The following KLHL20 variants were observed in gnomAD, a reference collection of about 807,000 sequenced individuals.
KLHL20 encodes kelch-like protein 20.
KLHL20 carries 29 observed loss-of-function variants against 69.5 expected under a neutral mutation model. The ratio of observed to expected loss-of-function variants is 0.42; its 90% CI spans 0.31 to 0.57. KLHL20 has a LOEUF of 0.57. KLHL20 is among the 20% of genes least tolerant of loss of function. The probability of loss-of-function intolerance (pLI) is 0.18; values close to 1 mark genes in which losing one functional copy is unlikely to be tolerated. For missense variants in KLHL20, 419 were observed against 776.0 expected, an observed-to-expected ratio of 0.54 and a Z score of 5.47; for synonymous variants, 253 against 265.2, an observed-to-expected ratio of 0.95 and a Z score of 0.45.
chr1:173,717,850 G>A (rs1671536051), intron 2 of KLHL20, among the ~76,000 whole-genome samples: 1 of 152,136 alleles, frequency 6.6e-6, no homozygotes, highest in Non-Finnish European at 1.5e-5. Flanking sequence ...TGATTATAAA[G>A]TTTTATGAAA....
chr1:173,732,474 T>C (rs1374644511), intron 2 of KLHL20, among the ~76,000 whole-genome samples: 1 of 152,226 alleles, frequency 6.6e-6, no homozygotes, highest in Non-Finnish European at 1.5e-5. Flanking sequence ...TTTTTTGATA[T>C]AACCTGCAGT....
At chr1:173,763,533 A>G (rs1280749199) in intron 7 of KLHL20, among the ~76,000 whole-genome samples, 3 of 152,212 alleles carry the variant, frequency 2.0e-5, no homozygotes, top group Admixed American at 2.0e-4. Flanking sequence ...TGGTATAAAA[A>G]CAGGCACATA....
intron 7 of KLHL20, among the ~76,000 whole-genome samples, chr1:173,763,579 C>T (rs552172533): frequency 2.0e-5 from 3 of 152,010 alleles, no homozygotes; most frequent in Admixed American, 6.6e-5. Context: ...CAGAAATAAA[C>T]CCAAACACTT....
chr1:173,715,917 G>A, intron 1 of KLHL20, 86 bp from the exon 2 acceptor site: 1 of 960,732 alleles, frequency 1.0e-6, no homozygotes, highest in Non-Finnish European at 1.6e-6. Context: ...GATAACTGAC[G>A]AAATGAGTGA....
At chr1:173,741,966 C>G (rs757794771) in intron 3 of KLHL20, 1 of 714,838 alleles carries the variant, frequency 1.4e-6, no homozygotes, top group Non-Finnish European at 2.3e-6. Flanking sequence ...GAAACCATCT[C>G]GATAAACACA....
chr1:173,736,203 C>T (rs1381737517), intron 3 of KLHL20, among the ~76,000 whole-genome samples: 2 of 151,944 alleles, frequency 1.3e-5, no homozygotes, highest in South Asian at 2.1e-4. Flanking sequence ...ATCTGCTTGC[C>T]TCAGCCTACC....
chr1:173,752,545 A>G (rs770413289), intron 4 of KLHL20, among the ~76,000 whole-genome samples: 4 of 152,188 alleles, frequency 2.6e-5, no homozygotes, highest in African/African-American at 9.7e-5. Context: ...TTTTCCTTCA[A>G]TATGACTTGG....
chr1:173,753,415 C>A, intron 5 of KLHL20, 108 bp downstream of exon 5: 1 of 791,170 alleles, frequency 1.3e-6, no homozygotes, highest in Non-Finnish European at 2.1e-6. Flanking sequence ...GAGCTGAAAC[C>A]AGGGCTTTAA....
chr1:173,780,282 A>G (rs1051456724), intron 10 of KLHL20, among the ~76,000 whole-genome samples: 1 of 152,234 alleles, frequency 6.6e-6, no homozygotes, highest in African/African-American at 2.4e-5. Flanking sequence ...CTCCCAATTT[A>G]GTGAAGGAAA....
chr1:173,773,095 G>A (rs1241455281), intron 8 of KLHL20, among the ~76,000 whole-genome samples: 1 of 151,982 alleles, frequency 6.6e-6, no homozygotes, highest in Non-Finnish European at 1.5e-5. Context: ...CAAGTAGCTG[G>A]GACTGCAGAT....
rs570375857 is a variant in KLHL20, at chr1:173,749,534, T to C, written c.598-2230T>C. On this transcript the variant is annotated intron_variant, in intron 3 of 11. Coordinates refer to ENST00000209884, the MANE Select transcript of KLHL20 (RefSeq NM_014458.4). The stretch of plus-strand genomic sequence containing the variant: ...CTGCCCAAATGGCATATCATTAATA[T>C]CGTTTTACTGGTGGGGGAAAAGGAG... Among the ~76,000 whole-genome samples, 13 of 152,298 alleles carry C rather than the reference T, an allele frequency of 8.5e-5. No individual in the cohort carries two copies. In the East Asian group the frequency reaches 2.3e-3, roughly 27 times the overall value.
In KLHL20 at chr1:173,775,707, C is replaced by T. The variant is rs1221148389; in HGVS notation, c.1503C>T (p.Gly501=). The change falls in exon 10 of 12, where the codon GGC becomes GGT. Residue 501 remains glycine (G), a synonymous_variant. Coordinates refer to ENST00000209884, the MANE Select transcript of KLHL20 (RefSeq NM_014458.4). ...APMGTRRKHL[G]CAVYQDMIYA... ...TGGGGACCCGGAGGAAACACCTAGGCTGTGCAGTATATCAGGACATGATCT... is the reference window on the plus strand; with the variant it reads ...TGGGGACCCGGAGGAAACACCTAGGTTGTGCAGTATATCAGGACATGATCT... 1 of 1,614,030 alleles carries T rather than the reference C, an allele frequency of 6.2e-7. No homozygotes were observed. Among genetic ancestry groups the T allele is most frequent in the Non-Finnish European group, 8.5e-7 (1 of 1,179,998 alleles).
chr1:173,736,406 T>A (rs910336820), intron 3 of KLHL20, among the ~76,000 whole-genome samples: 1 of 152,140 alleles, frequency 6.6e-6, no homozygotes, highest in South Asian at 2.1e-4. Context: ...CATGCAAGTG[T>A]CTTTTTCATA....
chr1:173,771,172 T>C (rs186675606), intron 8 of KLHL20, among the ~76,000 whole-genome samples: 4 of 152,318 alleles, frequency 2.6e-5, no homozygotes, highest in African/African-American at 9.6e-5. Context: ...ATTAACAACA[T>C]GTAAGAAATT....
At chr1:173,727,321 ACT>A (rs1298491821) in intron 2 of KLHL20, among the ~76,000 whole-genome samples, 2 of 152,220 alleles carry the variant, frequency 1.3e-5, no homozygotes, top group East Asian at 3.8e-4. Context: ...GTTGGAAAAC[ACT>A]CTGCAGGATA....
chr1:173,749,521 C>T (rs896698056), intron 3 of KLHL20, among the ~76,000 whole-genome samples: 1 of 152,120 alleles, frequency 6.6e-6, no homozygotes, highest in African/African-American at 2.4e-5. Flanking sequence ...GCCCAAATGG[C>T]ATATCATTAA....
rs1205173651 is a variant in KLHL20 at position 173,786,132 on chromosome 1, C to T, written c.*885C>T. 4.6e-5 allele frequency: 7 copies of T among 152,454 alleles called. No individual in the cohort carries two copies. Among genetic ancestry groups the T allele is most frequent in the Admixed American group, 4.6e-4 (7 of 15,276 alleles). 9.4% of individuals were successfully genotyped at this position (152,454 alleles called of 1,614,324 possible). A position where few individuals can be genotyped will look rare whatever the true frequency, so the allele number is the denominator to read the frequency against. ...AGCAGGGAGAAATGTCTTCTCCCAG[C>T]AGTGAATTCTGTTATGCAATTTATT... On this transcript the variant is annotated 3_prime_UTR_variant, in exon 12 of 12. Coordinates refer to ENST00000209884, the MANE Select transcript of KLHL20 (RefSeq NM_014458.4).
At chr1:173,751,318 A>G (rs2102497653) in intron 3 of KLHL20, among the ~76,000 whole-genome samples, 1 of 152,234 alleles carries the variant, frequency 6.6e-6, no homozygotes, top group East Asian at 1.9e-4. Flanking sequence ...TACTCTCCTC[A>G]TTATATTCAT....
chr1:173,748,220 A>C (rs1299656034), intron 3 of KLHL20, among the ~76,000 whole-genome samples: 2 of 152,124 alleles, frequency 1.3e-5, no homozygotes, highest in Non-Finnish European at 2.9e-5. Context: ...AATTTATCAA[A>C]AATGTAAAGA....
Sources: allele counts gnomAD v4.1 joint callset (sites outside exome capture counted in the v4.1 genomes callset), GRCh38; gene constraint gnomAD v4.1.1; transcripts MANE v1.5; gene names NCBI Gene and HGNC (gene_info 2026-07-23, HGNC 2026-07-21).